The following APLF variants were observed in gnomAD, a reference collection of about 807,000 sequenced individuals.
APLF encodes the protein aprataxin and PNK-like factor.
APLF carries 61 observed loss-of-function variants against 55.6 expected under a neutral mutation model. The ratio of observed to expected loss-of-function variants is 1.10; its 90% CI spans 0.89 to 1.36. The LOEUF (loss-of-function observed/expected upper bound fraction) is 1.36. Among genes scored for constraint, APLF ranks in the 40% most tolerant of loss-of-function variants. APLF has a pLI of 0.00. For missense variants in APLF, 611 were observed against 602.5 expected (o/e 1.01, Z -0.15); for synonymous variants, 207 against 214.8 (o/e 0.96, Z 0.32).
Position 68,537,857 on chromosome 2 carries a change from A to G in APLF, c.805-15A>G, listed in dbSNP as rs549631410. ...GTTTCATTTATTTCTGATGTTTTTC[A>G]TATTTGTTTTACAGGAAATGCCACA... On this transcript the variant is annotated splice_polypyrimidine_tract_variant and intron_variant, in intron 6 of 9. Coordinates refer to ENST00000303795, the MANE Select transcript of APLF (RefSeq NM_173545.3). The G allele has an allele frequency of 9.3e-6, 14 of 1,505,378 alleles. No individual in the cohort carries two copies. Among genetic ancestry groups the G allele is most frequent in the Middle Eastern group, 1.8e-4 (1 of 5,556 alleles). The allele number at this position is 1,505,378 out of a possible 1,614,324, so 93.3% of individuals were successfully genotyped here.
chr2:68,556,525 C>G (rs1671015447), intron 8 of APLF, among the ~76,000 whole-genome samples: 2 of 152,170 alleles, frequency 1.3e-5, no homozygotes, highest in South Asian at 2.1e-4. Context: ...CTGTTCTTCC[C>G]TCTGACTCAT....
intron 1 of APLF, among the ~76,000 whole-genome samples, chr2:68,476,055 A>T (rs1443709061): frequency 6.6e-6 from 1 of 151,740 alleles, no homozygotes; most frequent in Non-Finnish European, 1.5e-5. Flanking sequence ...CTACCATGAA[A>T]ATTTGAATTT....
At chr2:68,571,089 GTCT>G (rs1671446924) in intron 9 of APLF, among the ~76,000 whole-genome samples, 1 of 152,056 alleles carries the variant, frequency 6.6e-6, no homozygotes, top group South Asian at 2.1e-4. Context: ...CTGCATAAAT[GTCT>G]TCTTTTGAGA....
chr2:68,518,696 T>C lies in APLF; in HGVS notation c.622+5016T>C, dbSNP rs911228571. On this transcript the variant is annotated intron_variant, in intron 5 of 9. Transcript: ENST00000303795. ...ATATATCATGAATATATATCATTAA[T>C]ATATCATGAATATACAATAATATAT... 4.0e-5 allele frequency among the ~76,000 whole-genome samples: 5 copies of C among 123,936 alleles called. No individual in the cohort carries two copies. The East Asian group carries it at 1.2e-3, about 29-fold the overall frequency. The allele number at this position is 123,936 out of a possible 152,430, so 81.3% of individuals were successfully genotyped here.
intron 1 of APLF, among the ~76,000 whole-genome samples, chr2:68,481,382 G>GT (rs368430143): frequency 6.8e-6 from 1 of 146,200 alleles, no homozygotes; most frequent in Non-Finnish European, 1.5e-5. Flanking sequence ...GTTTTGTTTT[G>GT]TTTTTGTTTG....
intron 7 of APLF, among the ~76,000 whole-genome samples, chr2:68,543,981 C>CT (rs71395974): frequency 0.012 from 1,508 of 128,946 alleles, 25 homozygotes; most frequent in East Asian, 0.082. Flanking sequence ...ATTGTATTTT[C>CT]TTTTTTTTTT....
intron 1 of APLF, among the ~76,000 whole-genome samples, chr2:68,475,332 A>G (rs148121604): frequency 2.8e-4 from 43 of 152,354 alleles, no homozygotes; most frequent in African/African-American, 9.9e-4. Flanking sequence ...CATGATAGTC[A>G]GCACAATTTC....
At chr2:68,506,693 G>C (rs1041431219) in intron 3 of APLF, among the ~76,000 whole-genome samples, 1 of 151,968 alleles carries the variant, frequency 6.6e-6, no homozygotes, top group Non-Finnish European at 1.5e-5. Flanking sequence ...GCTGTTTCCA[G>C]AGTTGATGCT....
intron 1 of APLF, among the ~76,000 whole-genome samples, chr2:68,480,027 C>T (rs1675903231): frequency 1.3e-5 from 2 of 152,100 alleles, no homozygotes. Flanking sequence ...CTGTAAAATA[C>T]ATATAACATG....
intron 2 of APLF, among the ~76,000 whole-genome samples, chr2:68,492,024 A>C (rs776965249): frequency 6.6e-6 from 1 of 152,212 alleles, no homozygotes; most frequent in Non-Finnish European, 1.5e-5. Flanking sequence ...CTAATGCATG[A>C]ATATTTTAAA....
chr2:68,544,125 A>C (rs1015916815), intron 7 of APLF, among the ~76,000 whole-genome samples: 2 of 151,568 alleles, frequency 1.3e-5, no homozygotes, highest in Non-Finnish European at 2.9e-5. Context: ...GGGATTGCAG[A>C]TGTGCGCCAC....
intron 7 of APLF, among the ~76,000 whole-genome samples, chr2:68,539,446 A>G (rs1487755567): frequency 6.6e-6 from 1 of 152,168 alleles, no homozygotes; most frequent in African/African-American, 2.4e-5. Context: ...TTCTCTGTAC[A>G]TGTACCTTCC....
chr2:68,496,732 CA>C (rs1174410782), intron 2 of APLF, among the ~76,000 whole-genome samples: 2 of 152,132 alleles, frequency 1.3e-5, no homozygotes, highest in African/African-American at 4.8e-5. Flanking sequence ...CAAATGCAGC[CA>C]AGCTCTCTGC....
chr2:68,514,913 A>T (rs1006440665), intron 5 of APLF, among the ~76,000 whole-genome samples: 2 of 151,784 alleles, frequency 1.3e-5, no homozygotes, highest in African/African-American at 4.8e-5. Flanking sequence ...CAATGATTTT[A>T]TTGGCAGTAA....
chr2:68,517,861 T>A (rs1465759451), intron 5 of APLF, among the ~76,000 whole-genome samples: 1 of 144,708 alleles, frequency 6.9e-6, no homozygotes, highest in Non-Finnish European at 1.5e-5. Context: ...TAATATGTGT[T>A]AATATATAGC....
chr2:68,482,842 C>T (rs957880166), intron 1 of APLF, among the ~76,000 whole-genome samples: 6 of 152,068 alleles, frequency 3.9e-5, no homozygotes, highest in African/African-American at 1.4e-4. Context: ...GTTTCTCTGG[C>T]TGGGGTGTGA....
intron 5 of APLF, among the ~76,000 whole-genome samples, chr2:68,518,602 ATATATCAT>A: frequency 8.3e-6 from 1 of 121,010 alleles, no homozygotes; most frequent in African/African-American, 3.2e-5. Context: ...TGAATATATA[ATATATCAT>A]TAATATATCA....
intron 9 of APLF, among the ~76,000 whole-genome samples, chr2:68,577,250 T>A (rs1383972773): frequency 6.6e-6 from 1 of 152,202 alleles, no homozygotes; most frequent in Non-Finnish European, 1.5e-5. Context: ...AATACACTTA[T>A]TTAAGTGTAT....
intron 8 of APLF, among the ~76,000 whole-genome samples, chr2:68,567,002 T>G (rs1671328948): frequency 6.6e-6 from 1 of 152,076 alleles, no homozygotes; most frequent in African/African-American, 2.4e-5. Context: ...TGTCATAGTT[T>G]TGGATTCTAT....
Sources: gnomAD v4.1 joint callset for allele counts (sites outside exome capture counted in the v4.1 genomes callset) on GRCh38, gnomAD v4.1.1 for gene constraint, MANE v1.5 for transcripts, NCBI Gene and HGNC (gene_info 2026-07-23, HGNC 2026-07-21) for gene names.